Variants in DSG4 observed in about 807,000 individuals in gnomAD.
DSG4 encodes the protein desmoglein 4.
In DSG4, 87 loss-of-function variants were observed where a neutral mutation model predicts 93.1. That is an observed-to-expected ratio of 0.93 (90% CI 0.79 to 1.12). The LOEUF is 1.12. Ranked by LOEUF, DSG4 falls within the 50% of genes most tolerant of loss-of-function variation. The probability of loss-of-function intolerance (pLI) is 0.00; values close to 1 mark genes in which losing one functional copy is unlikely to be tolerated. For synonymous variants in DSG4, 432 were observed against 452.9 expected, an observed-to-expected ratio of 0.95 and a Z score of 0.59; for missense variants, 1,373 against 1,285.7, an observed-to-expected ratio of 1.07 and a Z score of -1.04.
At chr18:31,397,671 T>C (rs2072319845) in intron 8 of DSG4, among the ~76,000 whole-genome samples, 3 of 152,110 alleles carry the variant, frequency 2.0e-5, no homozygotes, top group Non-Finnish European at 4.4e-5. Flanking sequence ...TTAATATTCT[T>C]ACAAGCAAAA....
Position 31,413,416 on chromosome 18 carries a change from A to G in DSG4, c.2944A>G (p.Thr982Ala), listed in dbSNP as rs1289266906. The change falls in exon 16 of 16, where the codon ACG becomes GCG. Residue 982 changes from threonine to alanine, a missense_variant. By Grantham distance (58) the Thr-to-Ala change is moderately conservative. Coordinates refer to ENST00000308128, the MANE Select transcript of DSG4 (RefSeq NM_177986.5). ...TGTGCCTGACATGAGCAATAGTAGC[A>G]CGACTGAGGGTTGTATGGGACCTGT... ...PGVPDMSNSS[T>A]TEGCMGPVMS... 2 of 1,614,002 alleles carry G rather than the reference A, an allele frequency of 1.2e-6. No individual in the cohort carries two copies. The highest frequency in any genetic ancestry group is 2.2e-5 in the East Asian group (1 of 44,870).
At chr18:31,378,792 A>G (rs929171573) in intron 1 of DSG4, among the ~76,000 whole-genome samples, 1 of 152,202 alleles carries the variant, frequency 6.6e-6, no homozygotes, top group African/African-American at 2.4e-5. Flanking sequence ...CAAAATTGAA[A>G]CAAATACAAG....
chr18:31,389,076 A>G, intron 5 of DSG4, 58 bp downstream of exon 5: 2 of 1,592,420 alleles, frequency 1.3e-6, no homozygotes, highest in South Asian at 2.2e-5. Flanking sequence ...CTTGGTCAAA[A>G]GCTTTAGAGG....
Position 31,401,026 on chromosome 18 carries a change from A to G in DSG4, c.1417+6A>G, listed in dbSNP as rs1322819160. The G allele has an allele frequency of 1.9e-6, 3 of 1,587,074 alleles. No homozygotes were observed. The Admixed American group carries it at 5.2e-5, about 28-fold the overall frequency. ...AGAGATCCTGGCTATAGATGGTAAG[A>G]AAATTTATTTTCAGTATTTTAAGAA... On this transcript the variant is annotated splice_donor_region_variant and intron_variant, in intron 10 of 15. Coordinates refer to ENST00000308128, the MANE Select transcript of DSG4 (RefSeq NM_177986.5).
In DSG4 at chr18:31,414,199, T is replaced by C. The variant is rs997457844; in HGVS notation, c.*604T>C. On this transcript the variant is annotated 3_prime_UTR_variant, in exon 16 of 16. Transcript: ENST00000308128. Reference sequence around the variant, plus strand: ...GAAAAGAGTTTGCCAACTGAAAGCATGGCTGGAAATGGTTCATCAAAGAAA... The same window carrying C: ...GAAAAGAGTTTGCCAACTGAAAGCACGGCTGGAAATGGTTCATCAAAGAAA... 1.3e-5 allele frequency: 2 copies of C among 152,178 alleles called. No individual in the cohort carries two copies. The highest frequency in any genetic ancestry group is 4.8e-5 in the African/African-American group (2 of 41,454). 9.4% of individuals were successfully genotyped at this position (152,178 alleles called of 1,614,324 possible).
At position 31,413,900 on chromosome 18, in the gene DSG4, G is replaced by A. The variant is rs934294183; in HGVS notation, c.*305G>A. The A allele has an allele frequency of 3.0e-5, 8 of 266,758 alleles. No individual in the cohort carries two copies. Among genetic ancestry groups the A allele is most frequent in the African/African-American group, 1.8e-4 (8 of 45,106 alleles). The allele number at this position is 266,758 out of a possible 1,614,324, so 16.5% of individuals were successfully genotyped here. A position where few individuals can be genotyped will look rare whatever the true frequency, so the allele number is the denominator to read the frequency against. The stretch of plus-strand genomic sequence containing the variant: ...ATATTGTGAATCCTATGGGTCTTGA[G>A]GCCTGTAGAACCAATCTTGTAAACC... On this transcript the variant is annotated 3_prime_UTR_variant, in exon 16 of 16. Transcript: ENST00000308128.
At position 31,376,857 on chromosome 18, in the gene DSG4, G is replaced by A; in HGVS notation, c.-55G>A. ...GTAGAGCAGAATTCGGAACTGAGAA[G>A]ACGAGGGCTCAAATTGAATCTCACA... is the stretch of plus-strand genomic sequence containing the variant. On this transcript the variant is annotated 5_prime_UTR_variant, in exon 1 of 16. Transcript: ENST00000308128. 1.9e-6 allele frequency: 3 copies of A among 1,603,816 alleles called. No homozygotes were observed. The highest frequency in any genetic ancestry group is 2.6e-6 in the Non-Finnish European group (3 of 1,171,032).
chr18:31,401,435 A>G (rs2072364939), intron 10 of DSG4: 2 of 155,874 alleles, frequency 1.3e-5, no homozygotes, highest in African/African-American at 4.8e-5. Flanking sequence ...TTTTAGATCC[A>G]TTAAAACTGA....
At position 31,411,395 on chromosome 18, in the gene DSG4, G is replaced by GA; in HGVS notation, c.2303dup (p.Asp768GlufsTer4). 1 of 1,614,104 alleles carries GA rather than the reference G, an allele frequency of 6.2e-7. No individual in the cohort carries two copies. The highest frequency in any genetic ancestry group is 1.1e-5 in the South Asian group (1 of 91,074). ...GAGCTCTACCATGGGAACCCTGCGG[G>GA]ACTACGCTGACGCAGACATCAACAT... On this transcript the variant is annotated frameshift_variant, in exon 15 of 16. Coordinates refer to ENST00000308128, the MANE Select transcript of DSG4 (RefSeq NM_177986.5). LOFTEE classifies it high-confidence loss of function.
chr18:31,413,119 T>A lies in DSG4; in HGVS notation c.2647T>A (p.Leu883Met). The change falls in exon 16 of 16, where the codon TTG becomes ATG. Residue 883 changes from leucine (L) to methionine (M), a missense_variant. Transcript: ENST00000308128. ...PNYFVNESSG[L>M]TPSEVEFQEE... ...TTACTTTGTTAATGAATCTTCAGGA[T>A]TGACTCCCTCAGAAGTTGAATTCCA... is the stretch of plus-strand genomic sequence containing the variant. The A allele has an allele frequency of 2.5e-6, 4 of 1,614,162 alleles. No homozygotes were observed. Among genetic ancestry groups the A allele is most frequent in the Non-Finnish European group, 3.4e-6 (4 of 1,180,028 alleles).
chr18:31,381,608 G>A (rs2072135360), intron 1 of DSG4, among the ~76,000 whole-genome samples: 1 of 151,966 alleles, frequency 6.6e-6, no homozygotes, highest in Non-Finnish European at 1.5e-5. Context: ...CTAGGCCTGT[G>A]TCTTACTCTT....
chr18:31,411,273 G>A lies in DSG4; in HGVS notation c.2180G>A (p.Gly727Glu), dbSNP rs1220004874. The change falls in exon 15 of 16, where the codon GGA becomes GAA. Residue 727 changes from glycine to glutamate, a missense_variant. Transcript: ENST00000308128. ...TATGCAGCCGGGGGCACGGTGGAAG[G>A]AGGTGTATCGGGAGTGGAGCTCAAC... ...NTYAAGGTVEGGVSGVELNTG... is the reference protein window; with the variant it reads ...NTYAAGGTVEEGVSGVELNTG... 1.2e-6 allele frequency: 2 copies of A among 1,613,600 alleles called. No homozygotes were observed. Among genetic ancestry groups the A allele is most frequent in the East Asian group, 2.2e-5 (1 of 44,868 alleles).
rs1482284707 is a variant in DSG4, at chr18:31,414,745, AT to A, written c.*1152del. ...TGTTGAATAAATAAAATGGAAACAC[AT>A]TGCTTACTTTTCGTAGGCATAAAGC... On this transcript the variant is annotated 3_prime_UTR_variant, in exon 16 of 16. Transcript: ENST00000308128. 6.6e-6 allele frequency: 1 copy of A among 152,238 alleles called. No homozygotes were observed. Among genetic ancestry groups the A allele is most frequent in the Non-Finnish European group, 1.5e-5 (1 of 68,038 alleles). 9.4% of individuals were successfully genotyped at this position (152,238 alleles called of 1,614,324 possible). A position where few individuals can be genotyped will look rare whatever the true frequency, so the allele number is the denominator to read the frequency against.
intron 9 of DSG4, among the ~76,000 whole-genome samples, chr18:31,399,756 A>C (rs983873601): frequency 4.6e-5 from 7 of 152,210 alleles, no homozygotes; most frequent in African/African-American, 1.7e-4. Context: ...TATAAAAGTA[A>C]TTGTGTCCAG....
Position 31,402,289 on chromosome 18 carries a change from C to G in DSG4, c.1418-1127C>G, listed in dbSNP as rs185265074. Among the ~76,000 whole-genome samples the G allele has an allele frequency of 7.4e-4, 113 of 152,278 alleles. 1 individual carries two copies. Among genetic ancestry groups the G allele is most frequent in the Admixed American group, 7.4e-3 (113 of 15,284 alleles). On this transcript the variant is annotated intron_variant, in intron 10 of 15. Transcript: ENST00000308128. ...TCAGGTGAAGAGACAGACCTCTATG[C>G]AGAGCAAACTTTACTGGGAAGCAAA... is the stretch of plus-strand genomic sequence containing the variant.
At chr18:31,401,997 A>G (rs1449260892) in intron 10 of DSG4, among the ~76,000 whole-genome samples, 2 of 152,238 alleles carry the variant, frequency 1.3e-5, no homozygotes, top group African/African-American at 4.8e-5. Flanking sequence ...ATTCATTATC[A>G]GTATTCTGGA....
chr18:31,397,442 G>A (rs944824980), intron 8 of DSG4, among the ~76,000 whole-genome samples: 10 of 152,010 alleles, frequency 6.6e-5, no homozygotes, highest in African/African-American at 2.4e-4. Flanking sequence ...TACAATCCTT[G>A]ACCTCTGGAC....
intron 8 of DSG4, among the ~76,000 whole-genome samples, chr18:31,394,018 T>C (rs1427929059): frequency 6.6e-6 from 1 of 152,236 alleles, no homozygotes; most frequent in Non-Finnish European, 1.5e-5. Context: ...AACATTGCTT[T>C]GGGCCAGAGG....
In DSG4 at chr18:31,395,295, A is replaced by G. The variant is rs371425847; in HGVS notation, c.1005+2955A>G. 2.2e-3 allele frequency among the ~76,000 whole-genome samples: 333 copies of G among 152,176 alleles called. 3 individuals are homozygous for G. The South Asian group carries it at 0.027, about 12-fold the overall frequency. The stretch of plus-strand genomic sequence containing the variant: ...CTAAAAAAAAAAAAAAGCTATTGAA[A>G]TATCAATTTCATGAAAAATTTGTCA... On this transcript the variant is annotated intron_variant, in intron 8 of 15. Transcript: ENST00000308128.
Sources: allele counts gnomAD v4.1 joint callset (sites outside exome capture counted in the v4.1 genomes callset), GRCh38; gene constraint gnomAD v4.1.1; transcripts MANE v1.5; gene names NCBI Gene and HGNC (gene_info 2026-07-23, HGNC 2026-07-21).